Variants in WWOX observed in about 807,000 individuals in gnomAD.
WWOX encodes the protein WW domain-containing oxidoreductase.
In WWOX, 69 loss-of-function variants were observed where a neutral mutation model predicts 46.2. The ratio of observed to expected loss-of-function variants is 1.49; its 90% CI spans 1.23 to 1.82. WWOX has a LOEUF of 1.82. WWOX is among the 40% of genes most tolerant of loss of function. The pLI, the probability that WWOX is intolerant of heterozygous loss-of-function variation, is 0.00. For synonymous variants in WWOX, 359 were observed against 202.6 expected, an observed-to-expected ratio of 1.77 and a Z score of -6.56; for missense variants, 919 against 542.6, an observed-to-expected ratio of 1.69 and a Z score of -6.89.
At chr16:78,716,912 C>T (rs76039201) in intron 8 of WWOX, among the ~76,000 whole-genome samples, 3 of 152,172 alleles carry the variant, frequency 2.0e-5, no homozygotes, top group Admixed American at 1.3e-4. Context: ...ATCTTATTTT[C>T]AGTTTCAAAA....
intron 8 of WWOX, among the ~76,000 whole-genome samples, chr16:79,098,333 A>C (rs1290750513): frequency 6.6e-6 from 1 of 152,214 alleles, no homozygotes. Flanking sequence ...GGGATTGAAC[A>C]CAGACACCTG....
At chr16:78,312,853 C>T (rs1195882357) in intron 5 of WWOX, among the ~76,000 whole-genome samples, 1 of 152,182 alleles carries the variant, frequency 6.6e-6, no homozygotes, top group African/African-American at 2.4e-5. Context: ...AAGTGGTCAG[C>T]CTCCGAGGTG....
rs1308119341 is a variant in WWOX at position 78,424,805 on chromosome 16, G to A, written c.606-65G>A. The A allele has an allele frequency of 3.8e-6, 6 of 1,584,214 alleles. No homozygotes were observed. In the Admixed American group the frequency reaches 6.7e-5, roughly 18 times the overall value. On this transcript the variant is annotated intron_variant, in intron 6 of 8. Coordinates refer to ENST00000566780, the MANE Select transcript of WWOX (RefSeq NM_016373.4). ...TGTCCACATCACGTGGATTCCCGAA[G>A]GAGCATGGATTATCCTTGGTTGTAG...
intron 6 of WWOX, among the ~76,000 whole-genome samples, chr16:78,419,756 C>T (rs1269233690): frequency 6.6e-6 from 1 of 150,460 alleles, no homozygotes; most frequent in East Asian, 1.9e-4. Flanking sequence ...TTGGATACAA[C>T]CCTGACAGCA....
intron 8 of WWOX, among the ~76,000 whole-genome samples, chr16:79,044,362 A>T (rs533542228): frequency 2.0e-5 from 3 of 152,182 alleles, no homozygotes; most frequent in African/African-American, 7.2e-5. Flanking sequence ...GCATGGTGGG[A>T]GGTGATTGGG....
intron 8 of WWOX, among the ~76,000 whole-genome samples, chr16:79,031,754 CTA>C (rs199968979): frequency 8.5e-5 from 12 of 140,446 alleles, no homozygotes; most frequent in Admixed American, 1.5e-4. Context: ...CTCTTTCTTT[CTA>C]TATATATATA....
chr16:78,471,794 A>G (rs966160735), intron 8 of WWOX, among the ~76,000 whole-genome samples: 5 of 152,224 alleles, frequency 3.3e-5, no homozygotes, highest in Admixed American at 1.3e-4. Flanking sequence ...TGATTTTTCC[A>G]TGCCAAGGAG....
intron 8 of WWOX, among the ~76,000 whole-genome samples, chr16:78,438,290 G>T (rs967769713): frequency 2.3e-4 from 35 of 152,130 alleles, no homozygotes; most frequent in Admixed American, 2.6e-4. Flanking sequence ...TCAAGAAAAT[G>T]ATATACCAGC....
At chr16:79,147,388 C>G (rs2050200876) in intron 8 of WWOX, among the ~76,000 whole-genome samples, 1 of 152,180 alleles carries the variant, frequency 6.6e-6, no homozygotes, top group East Asian at 1.9e-4. Context: ...TCACTCGGTA[C>G]AATTCCGTGG....
chr16:78,258,707 CAAAAAAAAA>C (rs11396946), intron 5 of WWOX, among the ~76,000 whole-genome samples: 54 of 69,592 alleles, frequency 7.8e-4, no homozygotes, highest in African/African-American at 2.7e-3. Context: ...TTCCTCCCTC[CAAAAAAAAA>C]AAAAAAAAAA....
In WWOX at chr16:78,714,324, C is replaced by T. The variant is rs1011818331; in HGVS notation, c.1056+281572C>T. Among the ~76,000 whole-genome samples, 5 of 151,960 alleles carry T rather than the reference C, an allele frequency of 3.3e-5. No individual in the cohort carries two copies. In the East Asian group the frequency reaches 5.8e-4, roughly 18 times the overall value. On this transcript the variant is annotated intron_variant, in intron 8 of 8. Transcript: ENST00000566780. ...GGAAGGCAAAGGAGGAGCAAAGGGG[C>T]GTCTTACATGGTGGCAGGCAAGAGA...
At chr16:78,633,647 C>T (rs764362470) in intron 8 of WWOX, among the ~76,000 whole-genome samples, 32 of 152,268 alleles carry the variant, frequency 2.1e-4, no homozygotes, top group African/African-American at 4.3e-4. Flanking sequence ...CTGCAAGGCC[C>T]GCTTCTCAAG....
intron 8 of WWOX, among the ~76,000 whole-genome samples, chr16:78,730,543 C>T (rs1206322075): frequency 6.6e-6 from 1 of 151,870 alleles, no homozygotes; most frequent in African/African-American, 2.4e-5. Flanking sequence ...CCTCAACCGC[C>T]TGGTCTCAAA....
intron 8 of WWOX, among the ~76,000 whole-genome samples, chr16:79,022,124 C>G (rs2047546126): frequency 6.6e-6 from 1 of 152,138 alleles, no homozygotes; most frequent in Non-Finnish European, 1.5e-5. Context: ...GCACGTAGGC[C>G]TGAAACAGGC....
At chr16:78,491,993 A>G (rs1859300329) in intron 8 of WWOX, among the ~76,000 whole-genome samples, 1 of 151,662 alleles carries the variant, frequency 6.6e-6, no homozygotes, top group Non-Finnish European at 1.5e-5. Flanking sequence ...CATTTTAAGC[A>G]TGGAAGGTGA....
At chr16:78,723,422 C>T (rs1357311440) in intron 8 of WWOX, among the ~76,000 whole-genome samples, 1 of 149,100 alleles carries the variant, frequency 6.7e-6, no homozygotes, top group Admixed American at 6.7e-5. Flanking sequence ...TGGTGCCAAG[C>T]TATTATTATA....
chr16:78,381,037 A>C (rs1030275643), intron 5 of WWOX, among the ~76,000 whole-genome samples: 17 of 152,188 alleles, frequency 1.1e-4, no homozygotes, highest in Non-Finnish European at 2.2e-4. Context: ...AGATCCTTCC[A>C]GTAGCTTTCC....
At chr16:78,220,452 A>G (rs2036852609) in intron 5 of WWOX, among the ~76,000 whole-genome samples, 2 of 152,168 alleles carry the variant, frequency 1.3e-5, no homozygotes, top group African/African-American at 4.8e-5. Flanking sequence ...AGTAATACTT[A>G]AAGGCTTTCT....
intron 8 of WWOX, among the ~76,000 whole-genome samples, chr16:78,662,915 G>C (rs1171586256): frequency 6.6e-6 from 1 of 152,170 alleles, no homozygotes; most frequent in Non-Finnish European, 1.5e-5. Flanking sequence ...GAAGGTGAGA[G>C]TGCAAGAATT....
Sources: gnomAD v4.1 joint callset for allele counts (sites outside exome capture counted in the v4.1 genomes callset) on GRCh38, gnomAD v4.1.1 for gene constraint, MANE v1.5 for transcripts, NCBI Gene and HGNC (gene_info 2026-07-23, HGNC 2026-07-21) for gene names.